UNC45A: variants seen among roughly 807,000 people sequenced by gnomAD.
The protein encoded by UNC45A is unc-45 myosin chaperone A, also known as protein unc-45 homolog A.
A neutral mutation model predicts 103.2 loss-of-function variants in UNC45A; 78 were observed. That is an observed-to-expected ratio of 0.76 (90% CI 0.63 to 0.91). UNC45A has a LOEUF of 0.91. Ranked by LOEUF, UNC45A falls within the 40% of genes least tolerant of loss-of-function variation. UNC45A has a pLI of 0.00. For missense variants in UNC45A, 1,193 were observed against 1,224.8 expected (o/e 0.97, Z 0.39); for synonymous variants, 495 against 504.6 (o/e 0.98, Z 0.25).
At chr15:90,945,940 A>G (rs1395558476) in intron 9 of UNC45A, among the ~76,000 whole-genome samples, 50 of 150,290 alleles carry the variant, frequency 3.3e-4, no homozygotes, top group African/African-American at 1.2e-3. Context: ...CGTCCAGGCG[A>G]CAGTCCTTGT....
intron 17 of UNC45A, chr15:90,952,128 T>C (rs1186527311): frequency 6.6e-6 from 1 of 152,332 alleles, no homozygotes; most frequent in African/African-American, 2.4e-5. Flanking sequence ...AGCCCAGGAC[T>C]TGATTGCATG....
chr15:90,943,694 T>C (rs1224054742), intron 8 of UNC45A, among the ~76,000 whole-genome samples: 1 of 140,820 alleles, frequency 7.1e-6, no homozygotes, highest in Non-Finnish European at 1.5e-5. Flanking sequence ...GCTTTCTGTA[T>C]TTTTTTTTTT....
chr15:90,937,648 G>A (rs113945836), intron 4 of UNC45A, among the ~76,000 whole-genome samples: 15,884 of 151,716 alleles, frequency 0.1, 1,777 homozygotes, highest in East Asian at 0.4. Context: ...CACCACGCCC[G>A]GCTAATTTTT....
At chr15:90,933,822 A>C (rs2035888728), upstream of UNC45A, 1 of 383,726 alleles carries the variant, frequency 2.6e-6, no homozygotes, top group South Asian at 1.5e-4. Context: ...CTCCTTCAGC[A>C]GTTTGGCAAT....
chr15:90,932,230 CAAGT>C (rs1420429854), upstream of UNC45A: 1 of 1,140,514 alleles, frequency 8.8e-7, no homozygotes, highest in Non-Finnish European at 1.2e-6. Flanking sequence ...TGACCTTGGT[CAAGT>C]ACCTTACCCT....
rs761924478 is a variant in UNC45A at position 90,949,363 on chromosome 15, GGGTGT to G, written c.1932_1936del (p.Val645GlyfsTer86). 1.9e-6 allele frequency: 3 copies of G among 1,613,608 alleles called. No homozygotes were observed. The highest frequency in any genetic ancestry group is 2.5e-6 in the Non-Finnish European group (3 of 1,180,016). The stretch of plus-strand genomic sequence containing the variant: ...CTCGGGTGAAGAAGCTGCTGGCAGC[GGGTGT>G]GGTGTCGGCCATGGTGTGCATGGTG... On this transcript the variant is annotated frameshift_variant, in exon 14 of 20. Transcript: ENST00000418476. LOFTEE classifies it high-confidence loss of function.
chr15:90,943,442 A>AAAAAGAAAG (rs2036396516), intron 8 of UNC45A, among the ~76,000 whole-genome samples: 1 of 151,572 alleles, frequency 6.6e-6, no homozygotes, highest in Non-Finnish European at 1.5e-5. Flanking sequence ...AAAAAAAAAA[A>AAAAAGAAAG]AAAAGAAAGA....
rs377653790 is a variant in UNC45A at position 90,949,335 on chromosome 15, G to A, written c.1898G>A (p.Arg633Gln). Residue 633 changes from arginine (R) to glutamine (Q), a missense_variant, in exon 14 of 20, where the codon CGG becomes CAG. Physicochemically the swap from Arg to Gln is conservative, Grantham distance 43. Transcript: ENST00000418476. Reference sequence around the variant, plus strand: ...CCCCAGGACAAGCCAAGCTTCGTGCGGGCTCGGGTGAAGAAGCTGCTGGCA... The same window carrying A: ...CCCCAGGACAAGCCAAGCTTCGTGCAGGCTCGGGTGAAGAAGCTGCTGGCA... Reference protein sequence around the residue: ...QHPKDKPSFVRARVKKLLAAG... With the variant: ...QHPKDKPSFVQARVKKLLAAG... 148 of 1,612,760 alleles carry A rather than the reference G, an allele frequency of 9.2e-5. No homozygotes were observed. The highest frequency in any genetic ancestry group is 1.2e-4 in the Non-Finnish European group (138 of 1,180,002).
Position 90,942,589 on chromosome 15 carries a change from AG to A in UNC45A, c.842del (p.Gly281ValfsTer11). 6.2e-7 allele frequency: 1 copy of A among 1,614,212 alleles called. No individual in the cohort carries two copies. Among genetic ancestry groups the A allele is most frequent in the Non-Finnish European group, 8.5e-7 (1 of 1,180,040 alleles). ...GVKKGFRGKEGAIIVDPAREL... is the reference protein window; with the variant it reads ...GVKKGFRGKEXAIIVDPAREL... Reference sequence around the variant, plus strand: ...TCAAAAAAGGCTTCCGAGGCAAAGAAGGTGCCATCATTGTGGGTGAGTGGAA... The same window carrying A: ...TCAAAAAAGGCTTCCGAGGCAAAGAAGTGCCATCATTGTGGGTGAGTGGAA... On this transcript the variant is annotated frameshift_variant, in exon 7 of 20. Coordinates refer to ENST00000418476, the MANE Select transcript of UNC45A (RefSeq NM_018671.5). LOFTEE classifies it high-confidence loss of function.
At position 90,935,985 on chromosome 15, in the gene UNC45A, A is replaced by C. The variant is rs769289981; in HGVS notation, c.250+3A>C. 1.4e-5 allele frequency: 22 copies of C among 1,613,902 alleles called. No homozygotes were observed. The Admixed American group carries it at 3.2e-4, about 23-fold the overall frequency. ...AGCAGAAACAGAGGCATCCAAAGGT[A>C]GGGGAATGGTGGGCCCTGGTGTGGA... On this transcript the variant is annotated splice_donor_region_variant and intron_variant, in intron 3 of 19. Coordinates refer to ENST00000418476, the MANE Select transcript of UNC45A (RefSeq NM_018671.5).
At chr15:90,949,980 T>G (rs112917744) in intron 15 of UNC45A, 174 bp from the exon 16 acceptor site, 1 of 687,614 alleles carries the variant, frequency 1.5e-6, no homozygotes, top group East Asian at 2.7e-5. Flanking sequence ...GCACAATCCA[T>G]GTCCAGCCCT....
rs992769055 is a variant in UNC45A at position 90,950,635 on chromosome 15, C to T, written c.2303+20C>T. On this transcript the variant is annotated intron_variant, in intron 17 of 19. Transcript: ENST00000418476. ...GCTCCGGTAAGGTCCCTTGGGATTGCGGGGCCTGGACCAGGCATCGGGATT... is the reference window on the plus strand; with the variant it reads ...GCTCCGGTAAGGTCCCTTGGGATTGTGGGGCCTGGACCAGGCATCGGGATT... 17 of 1,610,170 alleles carry T rather than the reference C, an allele frequency of 1.1e-5. No individual in the cohort carries two copies. Among genetic ancestry groups the T allele is most frequent in the African/African-American group, 1.3e-5 (1 of 74,864 alleles).
intron 14 of UNC45A, 102 bp from the exon 15 acceptor site, chr15:90,949,552 G>GT: frequency 6.3e-7 from 1 of 1,598,900 alleles, no homozygotes; most frequent in Non-Finnish European, 8.5e-7. Flanking sequence ...TTAGAGCGAC[G>GT]GGGGCTGCCT....
At chr15:90,946,131 G>A (rs1325084649) in intron 9 of UNC45A, among the ~76,000 whole-genome samples, 13 of 151,080 alleles carry the variant, frequency 8.6e-5, no homozygotes, top group Non-Finnish European at 1.6e-4. Context: ...GTGGGTGCCT[G>A]TAATCCCAGC....
upstream of UNC45A, chr15:90,931,211 CG>C: frequency 3.9e-6 from 6 of 1,520,888 alleles, no homozygotes; most frequent in East Asian, 1.5e-4. Flanking sequence ...GAAAAGATGG[CG>C]TATGAATCCT....
Position 90,949,442 on chromosome 15 carries a change from A to G in UNC45A, c.2005A>G (p.Arg669Gly), listed in dbSNP as rs1394611420. ...LTSSCRELLSRVFLALVEEVE... is the reference protein window; with the variant it reads ...LTSSCRELLSGVFLALVEEVE... ...CAGTTCCTGCAGAGAGCTGCTCTCCAGGTGAGCCAGCCTTGGTAGGAGCCA... is the reference window on the plus strand; with the variant it reads ...CAGTTCCTGCAGAGAGCTGCTCTCCGGGTGAGCCAGCCTTGGTAGGAGCCA... The change falls in exon 14 of 20, where the codon AGG becomes GGG. Residue 669 changes from arginine (R) to glycine (G), a missense_variant and splice_region_variant. Arg to Gly is a moderately radical substitution (Grantham distance 125). Transcript: ENST00000418476. 6.2e-7 allele frequency: 1 copy of G among 1,613,590 alleles called. No individual in the cohort carries two copies. Among genetic ancestry groups the G allele is most frequent in the East Asian group, 2.2e-5 (1 of 44,878 alleles).
chr15:90,943,809 C>T (rs1443929572), intron 8 of UNC45A, among the ~76,000 whole-genome samples: 2 of 151,816 alleles, frequency 1.3e-5, no homozygotes, highest in African/African-American at 4.8e-5. Flanking sequence ...CTGCTTTAGC[C>T]TCCCGAGTAG....
chr15:90,939,964 G>T (rs2036207020), intron 5 of UNC45A, 141 bp downstream of exon 5: 4 of 767,434 alleles, frequency 5.2e-6, no homozygotes, highest in Non-Finnish European at 8.3e-6. Flanking sequence ...AGCTCTGAGG[G>T]TCTGGGGCTT....
In UNC45A at chr15:90,946,786, G is replaced by C. The variant is rs763303840; in HGVS notation, c.1372G>C (p.Val458Leu). 1.9e-6 allele frequency: 3 copies of C among 1,614,250 alleles called. No individual in the cohort carries two copies. The highest frequency in any genetic ancestry group is 1.7e-5 in the Admixed American group (1 of 60,038). The part of the protein sequence containing the change: ...SEQEEEQLVA[V>L]EALIHAAGKA... ...GCAGGAGGAGGAGCAGCTGGTGGCC[G>C]TGGAGGCTCTGATCCATGCAGCCGG... Residue 458 changes from valine (V) to leucine (L), a missense_variant, in exon 10 of 20, where the codon GTG becomes CTG. Val to Leu is a conservative substitution (Grantham distance 32). Transcript: ENST00000418476.
Sources: allele counts gnomAD v4.1 joint callset (sites outside exome capture counted in the v4.1 genomes callset), GRCh38; gene constraint gnomAD v4.1.1; transcripts MANE v1.5; gene names NCBI Gene and HGNC (gene_info 2026-07-23, HGNC 2026-07-21).